LRP1B: variants seen among roughly 807,000 people sequenced by gnomAD.
LRP1B encodes low-density lipoprotein receptor-related protein 1B.
LRP1B carries 217 observed loss-of-function variants against 556.6 expected under a neutral mutation model. That is an observed-to-expected ratio of 0.39 (90% CI 0.35 to 0.44). LRP1B has a LOEUF of 0.44. Among genes scored for constraint, LRP1B ranks in the 20% least tolerant of loss-of-function variants. LRP1B has a pLI of 1.00. For synonymous variants in LRP1B, 2,047 were observed against 1,865.8 expected (o/e 1.10, Z -2.50); for missense variants, 5,053 against 5,620.8 (o/e 0.90, Z 3.23).
chr2:141,360,662 G>C (rs1688790016), intron 3 of LRP1B, among the ~76,000 whole-genome samples: 1 of 152,154 alleles, frequency 6.6e-6, no homozygotes, highest in Non-Finnish European at 1.5e-5. Flanking sequence ...CTGAGGCTGG[G>C]GCAGGAAGGA....
intron 2 of LRP1B, among the ~76,000 whole-genome samples, chr2:141,659,123 C>T (rs979059227): frequency 2.6e-5 from 4 of 152,052 alleles, no homozygotes; most frequent in Non-Finnish European, 5.9e-5. Context: ...AGGCTTGTCT[C>T]GAACTTCCGA....
intron 82 of LRP1B, among the ~76,000 whole-genome samples, chr2:140,318,640 G>A (rs1179940978): frequency 1.4e-5 from 2 of 147,886 alleles, no homozygotes; most frequent in African/African-American, 5.1e-5. Context: ...AACTCTGGAA[G>A]CTAGAATTTC....
chr2:141,658,103 A>G (rs930513532), intron 2 of LRP1B, among the ~76,000 whole-genome samples: 2 of 152,148 alleles, frequency 1.3e-5, no homozygotes, highest in Non-Finnish European at 2.9e-5. Context: ...ATCTCATTTC[A>G]TAGGGAAGAA....
intron 2 of LRP1B, among the ~76,000 whole-genome samples, chr2:141,549,959 C>T (rs1397788922): frequency 3.9e-5 from 6 of 152,164 alleles, no homozygotes; most frequent in Non-Finnish European, 7.3e-5. Context: ...TGCGCCACTG[C>T]GCTCCAGACT....
chr2:140,992,700 G>C (rs528183145), intron 16 of LRP1B: 1 of 152,152 alleles, frequency 6.6e-6, no homozygotes, highest in South Asian at 2.1e-4. Flanking sequence ...TGTGAGTCAA[G>C]AAGTGAGACA....
intron 66 of LRP1B, among the ~76,000 whole-genome samples, chr2:140,438,377 TATAG>T (rs1686280242): frequency 6.6e-6 from 1 of 152,174 alleles, no homozygotes; most frequent in African/African-American, 2.4e-5. Context: ...TAAGAATACT[TATAG>T]CTTATAGCTA....
chr2:141,926,226 GT>G (rs1171266387), intron 1 of LRP1B, among the ~76,000 whole-genome samples: 3 of 152,276 alleles, frequency 2.0e-5, no homozygotes, highest in Non-Finnish European at 4.4e-5. Flanking sequence ...ACTGATCCTT[GT>G]TGCGAGAAAG....
intron 1 of LRP1B, among the ~76,000 whole-genome samples, chr2:142,042,878 A>T (rs1704112441): frequency 2.0e-5 from 3 of 151,672 alleles, no homozygotes; most frequent in Admixed American, 2.0e-4. Flanking sequence ...TACATTAACC[A>T]AATTGAAAAA....
intron 43 of LRP1B, among the ~76,000 whole-genome samples, chr2:140,588,285 A>C (rs1048931866): frequency 6.6e-6 from 1 of 152,168 alleles, no homozygotes; most frequent in African/African-American, 2.4e-5. Context: ...ATTATATTAC[A>C]AACAGGGGAG....
intron 3 of LRP1B, among the ~76,000 whole-genome samples, chr2:141,423,825 TA>T (rs34237592): frequency 0.18 from 27,352 of 149,450 alleles, 2,604 homozygotes; most frequent in Non-Finnish European, 0.2. Flanking sequence ...CCCTGTCTAT[TA>T]AAAAAAAAAA....
intron 3 of LRP1B, among the ~76,000 whole-genome samples, chr2:141,426,071 T>C (rs1464839752): frequency 1.3e-5 from 2 of 152,160 alleles, no homozygotes; most frequent in East Asian, 3.8e-4. Flanking sequence ...GTTTAAGGCT[T>C]TAATCCATCT....
At chr2:140,382,615 A>T (rs1341679965) in intron 67 of LRP1B, among the ~76,000 whole-genome samples, 1 of 152,300 alleles carries the variant, frequency 6.6e-6, no homozygotes, top group Non-Finnish European at 1.5e-5. Flanking sequence ...TGAACTAATT[A>T]TCCTATGTAT....
intron 29 of LRP1B, among the ~76,000 whole-genome samples, chr2:140,842,948 T>C (rs1300667244): frequency 6.6e-6 from 1 of 152,112 alleles, no homozygotes; most frequent in Non-Finnish European, 1.5e-5. Context: ...CTGAAGAATA[T>C]TTTGTCAGTC....
chr2:141,952,214 G>T (rs889357975), intron 1 of LRP1B, among the ~76,000 whole-genome samples: 1 of 151,858 alleles, frequency 6.6e-6, no homozygotes, highest in Admixed American at 6.6e-5. Flanking sequence ...ATATTCCATG[G>T]TGTATATGTG....
chr2:141,144,625 C>T (rs185345937), intron 7 of LRP1B, among the ~76,000 whole-genome samples: 127 of 152,228 alleles, frequency 8.3e-4, no homozygotes, highest in African/African-American at 2.8e-3. Context: ...ACCCTTCATA[C>T]GCTAGAAGAT....
At position 140,831,343 on chromosome 2, in the gene LRP1B, C is replaced by T. The variant is rs12475547; in HGVS notation, c.5209+8648G>A. On this transcript the variant is annotated intron_variant, in intron 31 of 90. Transcript: ENST00000389484. ...AACAGACATAGAGAACAGTGGAACA[C>T]GCTAGAGAACTCAGAAATAAATCCA... 3.7e-3 allele frequency among the ~76,000 whole-genome samples: 558 copies of T among 152,104 alleles called. 16 individuals are homozygous for T. Among genetic ancestry groups the T allele is most frequent in the Admixed American group, 0.03 (451 of 15,282 alleles).
At chr2:141,485,235 C>T (rs1198373213) in intron 2 of LRP1B, among the ~76,000 whole-genome samples, 1 of 152,136 alleles carries the variant, frequency 6.6e-6, no homozygotes, top group Non-Finnish European at 1.5e-5. Context: ...GTTGCCAGGA[C>T]TACTGGGTAA....
intron 41 of LRP1B, among the ~76,000 whole-genome samples, chr2:140,692,090 A>T (rs1686263570): frequency 1.3e-5 from 2 of 152,100 alleles, no homozygotes; most frequent in Admixed American, 1.3e-4. Flanking sequence ...AAGTTTCAAA[A>T]ATTAGTACAG....
At chr2:140,767,014 G>A (rs1344650820) in intron 35 of LRP1B, among the ~76,000 whole-genome samples, 2 of 151,404 alleles carry the variant, frequency 1.3e-5, no homozygotes, top group African/African-American at 4.9e-5. Flanking sequence ...CCCAAAAAGG[G>A]AAACAGAGCC....
Sources: gnomAD v4.1 joint callset for allele counts (sites outside exome capture counted in the v4.1 genomes callset) on GRCh38, gnomAD v4.1.1 for gene constraint, MANE v1.5 for transcripts, NCBI Gene and HGNC (gene_info 2026-07-23, HGNC 2026-07-21) for gene names.